MAFK: variants seen among roughly 807,000 people sequenced by gnomAD.
The protein encoded by MAFK is transcription factor MafK.
A neutral mutation model predicts 9.2 loss-of-function variants in MAFK; 1 was observed. The ratio of observed to expected loss-of-function variants is 0.11; its 90% CI spans 0.04 to 0.52. MAFK has a LOEUF of 0.52. Ranked by LOEUF, MAFK falls within the 20% of genes least tolerant of loss-of-function variation. The pLI is 0.94. For synonymous variants in MAFK, 110 were observed against 107.4 expected (o/e 1.02, Z -0.15); for missense variants, 207 against 236.0 (o/e 0.88, Z 0.81).
In MAFK at chr7:1,539,175, G is replaced by A. The variant is rs201828300; in HGVS notation, c.-18G>A. 216 of 1,613,022 alleles carry A rather than the reference G, an allele frequency of 1.3e-4. No homozygotes were observed. The highest frequency in any genetic ancestry group is 1.2e-4 in the South Asian group (11 of 91,004). ...TACGAGTTCCAGGGAGCTCTGTCCT[G>A]GTGACCGTGCCCGGGTTATGACGAC... On this transcript the variant is annotated 5_prime_UTR_variant, in exon 2 of 3. Coordinates refer to ENST00000343242, the MANE Select transcript of MAFK (RefSeq NM_002360.4).
rs1562543704 is a variant in MAFK, at chr7:1,534,476, G to A, written c.-45+3578G>A. The A allele has an allele frequency of 2.3e-6, 1 of 438,784 alleles. No individual in the cohort carries two copies. The highest frequency in any genetic ancestry group is 4.7e-6 in the Non-Finnish European group (1 of 214,624). 27.2% of individuals were successfully genotyped at this position (438,784 alleles called of 1,614,324 possible). The stretch of plus-strand genomic sequence containing the variant: ...ATTGCACCTGCCGTGGGAGTCACTG[G>A]TCGGGGGGCGGGAGGGCGCTTGCTG... On this transcript the variant is annotated intron_variant, in intron 1 of 2. Transcript: ENST00000343242. The surrounding 1 kb of genome is among the most constrained non-coding windows in gnomAD (Gnocchi z 4.3).
chr7:1,537,381 G>T (rs975695111), intron 1 of MAFK: 17 of 985,374 alleles, frequency 1.7e-5, no homozygotes, highest in South Asian at 4.7e-5. Flanking sequence ...TAGCTATGTC[G>T]TGGCCGGCCT....
At chr7:1,531,575 C>T (rs1253423339) in intron 1 of MAFK, among the ~76,000 whole-genome samples, 2 of 152,200 alleles carry the variant, frequency 1.3e-5, no homozygotes, top group African/African-American at 2.4e-5. Flanking sequence ...CCCCAAGGCT[C>T]GTCCCTTTGC....
chr7:1,537,161 G>A (rs1343850837), intron 1 of MAFK, among the ~76,000 whole-genome samples: 1 of 152,348 alleles, frequency 6.6e-6, no homozygotes, highest in South Asian at 2.1e-4. Context: ...AGATCCCCAC[G>A]CTGAACTCTG....
Position 1,540,417 on chromosome 7 carries a change from CA to C in MAFK, c.*43del. Reference sequence around the variant, plus strand: ...GGGGTGGCGGGCGGCGGGCGGCGGGCAGGCGGGTGGGGGCACACCCCTCGTA... The same window carrying C: ...GGGGTGGCGGGCGGCGGGCGGCGGGCGGCGGGTGGGGGCACACCCCTCGTA... On this transcript the variant is annotated 3_prime_UTR_variant, in exon 3 of 3. Coordinates refer to ENST00000343242, the MANE Select transcript of MAFK (RefSeq NM_002360.4). The C allele has an allele frequency of 1.3e-6, 1 of 741,506 alleles. No homozygotes were observed. The highest frequency in any genetic ancestry group is 2.0e-6 in the Non-Finnish European group (1 of 490,918). 45.9% of individuals were successfully genotyped at this position (741,506 alleles called of 1,614,324 possible).
chr7:1,538,704 G>A, intron 1 of MAFK: 1 of 168,726 alleles, frequency 5.9e-6, no homozygotes, highest in Non-Finnish European at 1.3e-5. Context: ...TTGGTCCTCG[G>A]TACGGGGCAC....
chr7:1,534,391 C>T lies in MAFK; in HGVS notation c.-45+3493C>T. 1 of 441,866 alleles carries T rather than the reference C, an allele frequency of 2.3e-6. No individual in the cohort carries two copies. Among genetic ancestry groups the T allele is most frequent in the Non-Finnish European group, 4.6e-6 (1 of 215,240 alleles). 27.4% of individuals were successfully genotyped at this position (441,866 alleles called of 1,614,324 possible). Reference sequence around the variant, plus strand: ...GTGTGGAGGGCACCCGGCTTGGGGTCTCTGGCAGAAAGGCTCCTGGGAGAG... The same window carrying T: ...GTGTGGAGGGCACCCGGCTTGGGGTTTCTGGCAGAAAGGCTCCTGGGAGAG... On this transcript the variant is annotated intron_variant, in intron 1 of 2. Coordinates refer to ENST00000343242, the MANE Select transcript of MAFK (RefSeq NM_002360.4). The surrounding 1 kb of genome is among the most constrained non-coding windows in gnomAD (Gnocchi z 4.3).
At position 1,542,695 on chromosome 7, in the gene MAFK, G is replaced by A. The variant is rs544041187; in HGVS notation, c.*2320G>A. On this transcript the variant is annotated 3_prime_UTR_variant, in exon 3 of 3. Transcript: ENST00000343242. The stretch of plus-strand genomic sequence containing the variant: ...GGATTTTTTTATTTAAGAAAAAGAC[G>A]AGGGACTCTTTGTCACGTGGGTTTG... 1.3e-5 allele frequency: 2 copies of A among 152,604 alleles called. No individual in the cohort carries two copies. The highest frequency in any genetic ancestry group is 2.1e-4 in the South Asian group (1 of 4,826). The allele number at this position is 152,604 out of a possible 1,614,324, so 9.5% of individuals were successfully genotyped here. A position where few individuals can be genotyped will look rare whatever the true frequency, so the allele number is the denominator to read the frequency against.
rs1583195880 is a variant in MAFK, at chr7:1,532,852, TC to T, written c.-45+1956del. ...TGGACTTTCTGGGTTTCGGGTCCAGTCCACACGGGAAATGGAAATCTGGCCA... is the reference window on the plus strand; with the variant it reads ...TGGACTTTCTGGGTTTCGGGTCCAGTCACACGGGAAATGGAAATCTGGCCA... On this transcript the variant is annotated intron_variant, in intron 1 of 2. Transcript: ENST00000343242. The surrounding 1 kb of genome is among the most constrained non-coding windows in gnomAD (Gnocchi z 4.5). Among the ~76,000 whole-genome samples the T allele has an allele frequency of 1.3e-5, 2 of 152,006 alleles. No individual in the cohort carries two copies. The highest frequency in any genetic ancestry group is 2.9e-5 in the Non-Finnish European group (2 of 68,012).
At position 1,532,533 on chromosome 7, in the gene MAFK, G is replaced by A. The variant is rs994536472; in HGVS notation, c.-45+1635G>A. On this transcript the variant is annotated intron_variant, in intron 1 of 2. Transcript: ENST00000343242. The surrounding 1 kb of genome is among the most constrained non-coding windows in gnomAD (Gnocchi z 4.5). ...TCCTTGAACCGAGCCAGGGCTTTGA[G>A]GGGCTGGTTGCCCGCAGCGTCGACT... Among the ~76,000 whole-genome samples the A allele has an allele frequency of 6.6e-6, 1 of 152,214 alleles. No individual in the cohort carries two copies. The highest frequency in any genetic ancestry group is 6.5e-5 in the Admixed American group (1 of 15,276).
At chr7:1,538,178 G>A in intron 1 of MAFK, 4 of 740,618 alleles carry the variant, frequency 5.4e-6, no homozygotes, top group Non-Finnish European at 6.6e-6. Context: ...AACTATCGGA[G>A]GGCTCATGCC....
intron 1 of MAFK, among the ~76,000 whole-genome samples, chr7:1,536,517 C>T (rs537363578): frequency 6.6e-6 from 1 of 152,310 alleles, no homozygotes; most frequent in African/African-American, 2.4e-5. Flanking sequence ...GGGGTGGGAG[C>T]GCTTTCTACA....
chr7:1,540,491 C>A lies in MAFK; in HGVS notation c.*116C>A. Reference sequence around the variant, plus strand: ...TCGACATCCGAGTCCAAGCGCAGGCCCCTCGGGCGCAGGCAGCTCACACCA... The same window carrying A: ...TCGACATCCGAGTCCAAGCGCAGGCACCTCGGGCGCAGGCAGCTCACACCA... On this transcript the variant is annotated 3_prime_UTR_variant, in exon 3 of 3. Transcript: ENST00000343242. 9.4e-7 allele frequency: 1 copy of A among 1,065,622 alleles called. No homozygotes were observed. The allele number at this position is 1,065,622 out of a possible 1,614,324, so 66.0% of individuals were successfully genotyped here.
Position 1,532,106 on chromosome 7 carries a change from G to A in MAFK, c.-45+1208G>A, listed in dbSNP as rs973663414. Among the ~76,000 whole-genome samples the A allele has an allele frequency of 1.1e-4, 17 of 152,152 alleles. No individual in the cohort carries two copies. The highest frequency in any genetic ancestry group is 3.9e-4 in the African/African-American group (16 of 41,440). ...ATCTGTGTGGTTCGGCTCTGGCAGC[G>A]CCCTTCCCACCCCTCTGATTCTCCA... On this transcript the variant is annotated intron_variant, in intron 1 of 2. Coordinates refer to ENST00000343242, the MANE Select transcript of MAFK (RefSeq NM_002360.4). This position sits in a 1 kb window ranked among gnomAD's most constrained non-coding sequence, Gnocchi z 4.5.
chr7:1,538,933 G>A, intron 1 of MAFK: 1 of 507,776 alleles, frequency 2.0e-6, no homozygotes, highest in Non-Finnish European at 3.5e-6. Flanking sequence ...ACCTTTCCCT[G>A]AACCCTCAGG....
chr7:1,538,189 G>A (rs986481886), intron 1 of MAFK: 207 of 832,326 alleles, frequency 2.5e-4, no homozygotes, highest in Non-Finnish European at 2.9e-4. Context: ...GGCTCATGCC[G>A]GGGATGCTTT....
intron 1 of MAFK, among the ~76,000 whole-genome samples, chr7:1,531,775 T>A (rs1488136994): frequency 2.0e-5 from 3 of 151,834 alleles, no homozygotes; most frequent in African/African-American, 7.3e-5. Flanking sequence ...CCGCCTGGCC[T>A]TGGCCCTTGA....
At chr7:1,537,603 TG>T (rs1485991453) in intron 1 of MAFK, 1 of 985,454 alleles carries the variant, frequency 1.0e-6, no homozygotes, top group African/African-American at 1.7e-5. Context: ...CGGGACCGGC[TG>T]GTGCCATCCT....
At chr7:1,533,784 C>T (rs753667360) in intron 1 of MAFK, among the ~76,000 whole-genome samples, 6 of 147,290 alleles carry the variant, frequency 4.1e-5, no homozygotes, top group Non-Finnish European at 8.9e-5. Context: ...GTGAATGATG[C>T]GGTTGGGGGC....
Sources: allele counts gnomAD v4.1 joint callset (sites outside exome capture counted in the v4.1 genomes callset), GRCh38; gene constraint gnomAD v4.1.1; non-coding constraint Gnocchi (gnomAD v3.1); transcripts MANE v1.5; gene names NCBI Gene and HGNC (gene_info 2026-07-23, HGNC 2026-07-21).